Variants in CDC45 observed in about 807,000 individuals in gnomAD.
The protein encoded by CDC45 is cell division cycle 45.
CDC45 carries 54 observed loss-of-function variants against 77.8 expected under a neutral mutation model. The ratio of observed to expected loss-of-function variants is 0.69; its 90% CI spans 0.56 to 0.87. CDC45 has a LOEUF of 0.87. Ranked by LOEUF, CDC45 falls within the 40% of genes least tolerant of loss-of-function variation. The pLI is 0.00. For synonymous variants in CDC45, 260 were observed against 272.1 expected, an observed-to-expected ratio of 0.96 and a Z score of 0.44; for missense variants, 649 against 721.6, an observed-to-expected ratio of 0.90 and a Z score of 1.15.
intron 5 of CDC45, among the ~76,000 whole-genome samples, chr22:19,490,166 C>A (rs990030937): frequency 2.0e-5 from 3 of 152,152 alleles, no homozygotes; most frequent in South Asian, 2.1e-4. Flanking sequence ...TATATTGTTA[C>A]ATTTGTAGTG....
At chr22:19,486,613 C>A (rs978793799) in intron 5 of CDC45, among the ~76,000 whole-genome samples, 3 of 152,160 alleles carry the variant, frequency 2.0e-5, no homozygotes, top group Non-Finnish European at 4.4e-5. Context: ...ATTAAGCATT[C>A]TTGAGAAGAA....
At chr22:19,506,136 A>G (rs1446595159) in intron 10 of CDC45, among the ~76,000 whole-genome samples, 1 of 152,208 alleles carries the variant, frequency 6.6e-6, no homozygotes, top group Non-Finnish European at 1.5e-5. Flanking sequence ...CCCAAACTGC[A>G]GCAGTGGCTG....
At chr22:19,494,564 C>T (rs760373373) in intron 6 of CDC45, 182 bp downstream of exon 6, 23 of 1,549,284 alleles carry the variant, frequency 1.5e-5, no homozygotes, top group Non-Finnish European at 1.9e-5. Flanking sequence ...GGTTGTTCGC[C>T]GGTCCCATGA....
chr22:19,498,980 A>ACT lies in CDC45; in HGVS notation c.654-120_654-119dup, dbSNP rs2090292022. On this transcript the variant is annotated intron_variant, in intron 8 of 18. Transcript: ENST00000263201. ...CTGAGGCAAGCCAGGGTCTGGCCCCACTGGCAGGACATTCCCCAGAGTGCT... is the reference window on the plus strand; with the variant it reads ...CTGAGGCAAGCCAGGGTCTGGCCCCACTCTGGCAGGACATTCCCCAGAGTGCT... 46 of 1,081,682 alleles carry ACT rather than the reference A, an allele frequency of 4.3e-5. 1 individual carries two copies. In the South Asian group the frequency reaches 6.1e-4, roughly 14 times the overall value. The allele number at this position is 1,081,682 out of a possible 1,614,324, so 67.0% of individuals were successfully genotyped here.
In CDC45 at chr22:19,483,940, G is replaced by A; in HGVS notation, c.421G>A (p.Glu141Lys). Residue 141 changes from glutamate (E) to lysine (K), a missense_variant, in exon 5 of 19, where the codon GAA becomes AAA. Transcript: ENST00000263201. ...CATCTTCAGGGATGAAGAGGAGGAT[G>A]AAGAGCATTCAGGAAATGACAGTGA... ...EDIFRDEEED[E>K]EHSGNDSDGS... 1 of 1,613,956 alleles carries A rather than the reference G, an allele frequency of 6.2e-7. No homozygotes were observed. The highest frequency in any genetic ancestry group is 1.3e-5 in the African/African-American group (1 of 75,028).
chr22:19,505,053 C>G (rs1013028875), intron 9 of CDC45: 1 of 374,948 alleles, frequency 2.7e-6, no homozygotes, highest in Non-Finnish European at 5.0e-6. Context: ...GGATCCCTGT[C>G]ACTTACGGAG....
chr22:19,516,816 G>C lies in CDC45; in HGVS notation c.1560-1G>C. On this transcript the variant is annotated splice_acceptor_variant, in intron 16 of 18. Coordinates refer to ENST00000263201, the MANE Select transcript of CDC45 (RefSeq NM_003504.5). LOFTEE classifies it high-confidence loss of function. ...CCCCGACATGTCTTGTGTGTCAGCA[G>C]CTTTTTTGGGAGGGCGTTTGAGAAG... 1 of 1,614,088 alleles carries C rather than the reference G, an allele frequency of 6.2e-7. No homozygotes were observed. The highest frequency in any genetic ancestry group is 8.5e-7 in the Non-Finnish European group (1 of 1,179,956).
rs1251830851 is a variant in CDC45, at chr22:19,508,603, G to C, written c.1129G>C (p.Val377Leu). ...FKHKFLASDV[V>L]FATMSLMESP... is the part of the protein sequence containing the mutation. Reference sequence around the variant, plus strand: ...GCACAAGTTTCTGGCCAGCGACGTGGTCTTTGCCACCATGTCTTTGATGGA... The same window carrying C: ...GCACAAGTTTCTGGCCAGCGACGTGCTCTTTGCCACCATGTCTTTGATGGA... The change falls in exon 13 of 19, where the codon GTC becomes CTC. Residue 377 changes from valine (V) to leucine (L), a missense_variant. Coordinates refer to ENST00000263201, the MANE Select transcript of CDC45 (RefSeq NM_003504.5). The C allele has an allele frequency of 6.2e-7, 1 of 1,614,224 alleles. No individual in the cohort carries two copies. Among genetic ancestry groups the C allele is most frequent in the Non-Finnish European group, 8.5e-7 (1 of 1,180,042 alleles).
At position 19,518,895 on chromosome 22, in the gene CDC45, C is replaced by A. The variant is rs868327593; in HGVS notation, c.1688C>A (p.Ser563Tyr). 6.2e-7 allele frequency: 1 copy of A among 1,613,906 alleles called. No individual in the cohort carries two copies. The highest frequency in any genetic ancestry group is 1.3e-5 in the African/African-American group (1 of 75,036). The part of the protein sequence containing the change: ...DRSKFLDALI[S>Y]LLS ...AGCAAGTTTCTGGACGCACTTATTT[C>A]CCTCCTGTCCTAGGGTGAGTTACAG... Residue 563 changes from serine to tyrosine, a missense_variant, in exon 18 of 19, where the codon TCC becomes TAC. Coordinates refer to ENST00000263201, the MANE Select transcript of CDC45 (RefSeq NM_003504.5).
intron 15 of CDC45, 58 bp from the exon 16 acceptor site, chr22:19,516,469 C>A (rs1461377902): frequency 3.6e-6 from 5 of 1,396,810 alleles, no homozygotes; most frequent in African/African-American, 2.8e-5. Context: ...GCTCTGGGCT[C>A]TGAGTGTTGA....
chr22:19,505,519 C>T (rs1933119800), intron 10 of CDC45, 38 bp downstream of exon 10: 4 of 1,609,778 alleles, frequency 2.5e-6, no homozygotes, highest in African/African-American at 1.3e-5. Flanking sequence ...ACAGGCAGCA[C>T]CCCTGCTCAG....
At chr22:19,519,457 G>A (rs1454076393) in intron 18 of CDC45, among the ~76,000 whole-genome samples, 7 of 152,220 alleles carry the variant, frequency 4.6e-5, no homozygotes, top group South Asian at 2.1e-4. Flanking sequence ...TCACTGTCCC[G>A]GGACACCTCC....
intron 13 of CDC45, among the ~76,000 whole-genome samples, chr22:19,512,797 G>A (rs1933586004): frequency 6.6e-6 from 1 of 152,162 alleles, no homozygotes; most frequent in Non-Finnish European, 1.5e-5. Context: ...TCCATTTTGT[G>A]TTGCTATAAA....
Position 19,505,390 on chromosome 22 carries a change from C to T in CDC45, c.733C>T (p.Leu245=), listed in dbSNP as rs1269326756. The change falls in exon 10 of 19, where the codon CTG becomes TTG. Residue 245 remains leucine, a synonymous_variant. Coordinates refer to ENST00000263201, the MANE Select transcript of CDC45 (RefSeq NM_003504.5). ...QMKYVTDVGV[L]QRHVSRHNHR... is the part of the protein sequence containing the mutation. ...GAAATACGTGACTGATGTTGGTGTC[C>T]TGCAGCGCCACGTTTCCCGCCACAA... 1 of 1,614,014 alleles carries T rather than the reference C, an allele frequency of 6.2e-7. No homozygotes were observed. Among genetic ancestry groups the T allele is most frequent in the Non-Finnish European group, 8.5e-7 (1 of 1,179,998 alleles).
At chr22:19,504,893 C>A (rs1244077112) in intron 9 of CDC45, among the ~76,000 whole-genome samples, 4 of 152,126 alleles carry the variant, frequency 2.6e-5, no homozygotes, top group Non-Finnish European at 4.4e-5. Context: ...CAATGAGACA[C>A]CAAGCAGCTA....
Position 19,480,989 on chromosome 22 carries a change from G to T in CDC45, c.148G>T (p.Val50Phe). 1 of 1,613,604 alleles carries T rather than the reference G, an allele frequency of 6.2e-7. No homozygotes were observed. Residue 50 changes from valine (V) to phenylalanine (F), a missense_variant, in exon 3 of 19, where the codon GTT (valine) becomes TTT (phenylalanine). Transcript: ENST00000263201. Reference protein sequence around the residue: ...FQCDHVQYTLVPVSGWQELET... With the variant: ...FQCDHVQYTLFPVSGWQELET... ...GTGTGACCACGTGCAATATACGCTG[G>T]TTCCAGTTTCTGGGTGGCAAGAACT...
chr22:19,497,523 C>T, intron 8 of CDC45, 76 bp downstream of exon 8: 1 of 1,239,104 alleles, frequency 8.1e-7, no homozygotes. Flanking sequence ...TCTGTCCTCC[C>T]ACAGGGAGGG....
At chr22:19,498,904 G>A (rs1008548066) in intron 8 of CDC45, among the ~76,000 whole-genome samples, 197 bp from the exon 9 acceptor site, 2 of 152,188 alleles carry the variant, frequency 1.3e-5, no homozygotes, top group Middle Eastern at 3.2e-3. Context: ...TGCACTGCAA[G>A]GCCCCAATTA....
At chr22:19,485,512 G>T (rs549464611) in intron 5 of CDC45, among the ~76,000 whole-genome samples, 1 of 152,314 alleles carries the variant, frequency 6.6e-6, no homozygotes, top group East Asian at 1.9e-4. Flanking sequence ...TTCAAGGAAG[G>T]CTTGGCCAGC....
Sources: allele counts gnomAD v4.1 joint callset (sites outside exome capture counted in the v4.1 genomes callset), GRCh38; gene constraint gnomAD v4.1.1; transcripts MANE v1.5; gene names NCBI Gene and HGNC (gene_info 2026-07-23, HGNC 2026-07-21).